The following CD9 variants were observed in gnomAD, a reference collection of about 807,000 sequenced individuals.
The protein encoded by CD9 is CD9 molecule, also known as CD9 antigen.
In CD9, 10 loss-of-function variants were observed where a neutral mutation model predicts 31.4. The ratio of observed to expected loss-of-function variants is 0.32; its 90% CI spans 0.20 to 0.54. The LOEUF is 0.54. CD9 is among the 20% of genes least tolerant of loss of function. The probability of loss-of-function intolerance (pLI) is 0.94; values close to 1 mark genes in which losing one functional copy is unlikely to be tolerated. For synonymous variants in CD9, 113 were observed against 114.1 expected (o/e 0.99, Z 0.06); for missense variants, 259 against 300.1 (o/e 0.86, Z 1.01).
At chr12:6,215,663 T>TG (rs1946236242) in intron 1 of CD9, among the ~76,000 whole-genome samples, 1 of 152,206 alleles carries the variant, frequency 6.6e-6, no homozygotes, top group South Asian at 2.1e-4. Flanking sequence ...AGAGGAGAGA[T>TG]GGCCCCCAGG....
At chr12:6,218,227 C>CA (rs145352724) in intron 1 of CD9, among the ~76,000 whole-genome samples, 68,148 of 144,870 alleles carry the variant, frequency 0.47, 16,022 homozygotes, top group Admixed American at 0.58. Flanking sequence ...GACCCTGTCT[C>CA]AAAAAAAAAA....
rs190990432 is a variant in CD9, at chr12:6,229,148, C to T, written c.176-3484C>T. On this transcript the variant is annotated intron_variant, in intron 2 of 7. Transcript: ENST00000009180. ...TGTTGGGGAACTTCATTTTCTTGGT[C>T]CTAGGCCAGCAGCCTTTCCCAGCTC... is the stretch of plus-strand genomic sequence containing the variant. Among the ~76,000 whole-genome samples, 4 of 152,332 alleles carry T rather than the reference C, an allele frequency of 2.6e-5. No individual in the cohort carries two copies. The East Asian group carries it at 7.7e-4, about 29-fold the overall frequency.
intron 1 of CD9, among the ~76,000 whole-genome samples, chr12:6,224,637 C>T (rs920369259): frequency 6.6e-5 from 10 of 152,284 alleles, no homozygotes; most frequent in Middle Eastern, 3.4e-3. Context: ...CCCACTCCTG[C>T]GTCCAGCCGG....
intron 1 of CD9, among the ~76,000 whole-genome samples, chr12:6,222,810 C>T (rs1400410383): frequency 6.6e-6 from 1 of 152,220 alleles, no homozygotes; most frequent in Non-Finnish European, 1.5e-5. Context: ...AGACGCAGCT[C>T]CTGCTCGTGA....
rs754529734 is a variant in CD9, at chr12:6,225,545, G to C, written c.175+11G>C. The C allele has an allele frequency of 2.2e-5, 34 of 1,541,084 alleles. No homozygotes were observed. The South Asian group carries it at 3.2e-4, about 15-fold the overall frequency. ...CCAGCTTCTACACAGGTGAGGGACGGGGAAGGCTCAGTGAATTCAGACCCT... is the reference window on the plus strand; with the variant it reads ...CCAGCTTCTACACAGGTGAGGGACGCGGAAGGCTCAGTGAATTCAGACCCT... On this transcript the variant is annotated intron_variant, in intron 2 of 7. Coordinates refer to ENST00000009180, the MANE Select transcript of CD9 (RefSeq NM_001769.4).
chr12:6,200,520 C>A lies in CD9; in HGVS notation c.21C>A (p.Thr7=). Reference sequence around the variant, plus strand: ...TCACCATGCCGGTCAAAGGAGGCACCAAGTGCATCAAATACCTGCTGTTCG... The same window carrying A: ...TCACCATGCCGGTCAAAGGAGGCACAAAGTGCATCAAATACCTGCTGTTCG... The part of the protein sequence containing the change: MPVKGG[T]KCIKYLLFGF... Residue 7 remains threonine (T), a synonymous_variant, in exon 1 of 8, where the codon ACC becomes ACA. Coordinates refer to ENST00000009180, the MANE Select transcript of CD9 (RefSeq NM_001769.4). 6.2e-7 allele frequency: 1 copy of A among 1,611,096 alleles called. No homozygotes were observed. Among genetic ancestry groups the A allele is most frequent in the African/African-American group, 1.3e-5 (1 of 74,896 alleles).
chr12:6,200,251 G>C (rs1201181758), upstream of CD9: 3 of 199,282 alleles, frequency 1.5e-5, no homozygotes, highest in Non-Finnish European at 3.0e-5. Context: ...CGGGGGGCGG[G>C]GGGGGTGCGG....
At chr12:6,204,764 G>A (rs576898369) in intron 1 of CD9, among the ~76,000 whole-genome samples, 1 of 152,200 alleles carries the variant, frequency 6.6e-6, no homozygotes, top group Non-Finnish European at 1.5e-5. Flanking sequence ...ATTCACTAGT[G>A]GAGAGTAGAA....
chr12:6,211,043 G>A (rs530786851), intron 1 of CD9, among the ~76,000 whole-genome samples: 16 of 152,022 alleles, frequency 1.1e-4, no homozygotes, highest in East Asian at 1.9e-4. Context: ...TCACCATGTT[G>A]GCCAGGCTGG....
chr12:6,207,492 G>A (rs927170458), intron 1 of CD9, among the ~76,000 whole-genome samples: 2 of 152,184 alleles, frequency 1.3e-5, no homozygotes, highest in Non-Finnish European at 2.9e-5. Context: ...TAGTACACAC[G>A]AAAAATGCAA....
At chr12:6,234,069 C>T (rs1946485369) in intron 4 of CD9, among the ~76,000 whole-genome samples, 1 of 151,140 alleles carries the variant, frequency 6.6e-6, no homozygotes, top group Non-Finnish European at 1.5e-5. Flanking sequence ...GGAAGGGAAT[C>T]TCTTTTGGCT....
At chr12:6,208,999 C>T (rs780357375) in intron 1 of CD9, among the ~76,000 whole-genome samples, 6 of 151,910 alleles carry the variant, frequency 3.9e-5, no homozygotes, top group East Asian at 1.9e-4. Flanking sequence ...GACAGAGTCT[C>T]GCTCTGTCAC....
chr12:6,236,566 G>A, intron 7 of CD9: 2 of 487,842 alleles, frequency 4.1e-6, no homozygotes, highest in Non-Finnish European at 7.2e-6. Context: ...GGCACTGCTA[G>A]TCCTCGGAGC....
intron 2 of CD9, among the ~76,000 whole-genome samples, chr12:6,227,053 T>C (rs74447052): frequency 0.022 from 3,415 of 152,304 alleles, 276 homozygotes; most frequent in Admixed American, 0.15. Flanking sequence ...TCCCTTGTCC[T>C]GGCTGCTTCT....
chr12:6,236,639 G>A (rs890601646), intron 7 of CD9: 29 of 422,352 alleles, frequency 6.9e-5, no homozygotes, highest in East Asian at 2.4e-4. Context: ...GGCTACCGGC[G>A]TGGGAATTGT....
chr12:6,229,390 T>C (rs1946412873), intron 2 of CD9, among the ~76,000 whole-genome samples: 1 of 152,144 alleles, frequency 6.6e-6, no homozygotes, highest in South Asian at 2.1e-4. Flanking sequence ...GCTTCATTTT[T>C]CTCCCTCCTG....
Position 6,232,979 on chromosome 12 carries a change from G to A in CD9, c.273+250G>A, listed in dbSNP as rs1055149847. 4.3e-6 allele frequency: 3 copies of A among 702,380 alleles called. No individual in the cohort carries two copies. The highest frequency in any genetic ancestry group is 3.0e-5 in the South Asian group (2 of 67,592). 43.5% of individuals were successfully genotyped at this position (702,380 alleles called of 1,614,324 possible). ...GTTTCCCCCTTTTCTCGAGGACCAC[G>A]TTTGCTTTTTTTCCCTGAATCCACA... On this transcript the variant is annotated intron_variant, in intron 3 of 7. Coordinates refer to ENST00000009180, the MANE Select transcript of CD9 (RefSeq NM_001769.4). This position sits in a 1 kb window ranked among gnomAD's most constrained non-coding sequence, Gnocchi z 4.8.
At chr12:6,208,224 CAAAAA>C (rs574714065) in intron 1 of CD9, among the ~76,000 whole-genome samples, 4 of 96,472 alleles carry the variant, frequency 4.1e-5, no homozygotes, top group East Asian at 3.0e-4. Flanking sequence ...AACTCCATCT[CAAAAA>C]AAAAAAAAAA....
At chr12:6,226,917 G>A (rs1285242982) in intron 2 of CD9, among the ~76,000 whole-genome samples, 2 of 152,152 alleles carry the variant, frequency 1.3e-5, no homozygotes, top group Non-Finnish European at 1.5e-5. Context: ...ACTCCACGCC[G>A]TGTTCCAGAA....
Sources: gnomAD v4.1 joint callset for allele counts (sites outside exome capture counted in the v4.1 genomes callset) on GRCh38, gnomAD v4.1.1 for gene constraint, Gnocchi (gnomAD v3.1) non-coding constraint, MANE v1.5 for transcripts, NCBI Gene and HGNC (gene_info 2026-07-23, HGNC 2026-07-21) for gene names.